Variants in EPHB1 observed in about 807,000 individuals in gnomAD.
The protein encoded by EPHB1 is ephrin type-B receptor 1.
In EPHB1, 30 loss-of-function variants were observed where a neutral mutation model predicts 94.4. That is an observed-to-expected ratio of 0.32 (90% CI 0.24 to 0.43). The LOEUF is 0.43. Ranked by LOEUF, EPHB1 falls within the 20% of genes least tolerant of loss-of-function variation. The pLI is 1.00. For synonymous variants in EPHB1, 522 were observed against 489.1 expected (o/e 1.07, Z -0.89); for missense variants, 1,055 against 1,308.3 (o/e 0.81, Z 2.99).
chr3:134,924,789 A>G (rs899845823), intron 1 of EPHB1, among the ~76,000 whole-genome samples: 5 of 152,252 alleles, frequency 3.3e-5, no homozygotes, highest in Non-Finnish European at 7.3e-5. Flanking sequence ...GAGTGAGAGA[A>G]GCAAGATTTT....
intron 3 of EPHB1, among the ~76,000 whole-genome samples, chr3:134,960,538 A>G (rs1030609449): frequency 1.3e-5 from 2 of 152,200 alleles, no homozygotes; most frequent in African/African-American, 4.8e-5. Flanking sequence ...TGGGTCCCAG[A>G]AGCTATCCAT....
At chr3:134,992,299 T>C (rs1395793597) in intron 3 of EPHB1, among the ~76,000 whole-genome samples, 2 of 152,036 alleles carry the variant, frequency 1.3e-5, no homozygotes, top group African/African-American at 2.4e-5. Context: ...CCCTGCTCTG[T>C]AGGAGTCTCT....
chr3:134,975,999 A>G (rs910508264), intron 3 of EPHB1, among the ~76,000 whole-genome samples: 2 of 152,228 alleles, frequency 1.3e-5, no homozygotes, highest in African/African-American at 2.4e-5. Context: ...ACCCATAACC[A>G]GAAGTGGGTG....
At chr3:135,202,656 A>G (rs1942788776) in intron 12 of EPHB1, among the ~76,000 whole-genome samples, 1 of 152,240 alleles carries the variant, frequency 6.6e-6, no homozygotes, top group African/African-American at 2.4e-5. Context: ...ACAAAAATCA[A>G]AACAATGCAG....
intron 1 of EPHB1, among the ~76,000 whole-genome samples, chr3:134,900,452 C>T (rs1451081964): frequency 1.3e-5 from 2 of 152,042 alleles, no homozygotes; most frequent in Non-Finnish European, 2.9e-5. Context: ...GTGGGTAGGG[C>T]AGCTTAGAGG....
intron 1 of EPHB1, among the ~76,000 whole-genome samples, chr3:134,881,071 G>C (rs956462178): frequency 6.6e-6 from 1 of 152,108 alleles, no homozygotes; most frequent in African/African-American, 2.4e-5. Flanking sequence ...CTCTGTTCTA[G>C]TGGGGGATTT....
At chr3:135,073,143 G>A (rs1399794730) in intron 3 of EPHB1, among the ~76,000 whole-genome samples, 3 of 151,078 alleles carry the variant, frequency 2.0e-5, no homozygotes, top group African/African-American at 7.3e-5. Flanking sequence ...TTTTTTCTAG[G>A]GTTAATTCTA....
At chr3:134,851,348 C>T (rs915344673) in intron 1 of EPHB1, among the ~76,000 whole-genome samples, 1 of 152,164 alleles carries the variant, frequency 6.6e-6, no homozygotes, top group Admixed American at 6.5e-5. Flanking sequence ...TCCCTGATCC[C>T]CAGTGCCCTT....
intron 4 of EPHB1, among the ~76,000 whole-genome samples, chr3:135,127,136 C>G (rs1313690114): frequency 6.6e-6 from 1 of 152,146 alleles, no homozygotes; most frequent in African/African-American, 2.4e-5. Flanking sequence ...CAAGGTCAAC[C>G]AACTAGAGAA....
intron 3 of EPHB1, among the ~76,000 whole-genome samples, chr3:135,095,214 G>A (rs552670535): frequency 6.6e-6 from 1 of 152,298 alleles, no homozygotes; most frequent in South Asian, 2.1e-4. Flanking sequence ...AGAGGATGAA[G>A]TGTAGAGGGC....
intron 6 of EPHB1, among the ~76,000 whole-genome samples, chr3:135,155,790 A>AG (rs1941334932): frequency 6.7e-6 from 1 of 149,082 alleles, no homozygotes; most frequent in Non-Finnish European, 1.5e-5. Context: ...ACTTTGTCAA[A>AG]AAAAAAAAAA....
chr3:135,132,928 C>T lies in EPHB1; in HGVS notation c.1176C>T (p.Ser392=), dbSNP rs745607717. The change falls in exon 5 of 16, where the codon TCC becomes TCT. Residue 392 remains serine (S), a synonymous_variant. Transcript: ENST00000398015. ...RQLGLTECRV[S]ISSLWAHTPY... is the part of the protein sequence containing the mutation. ...TGGGCCTGACGGAGTGCCGCGTCTC[C>T]ATCAGCAGCCTGTGGGCCCACACCC... 1 of 1,614,024 alleles carries T rather than the reference C, an allele frequency of 6.2e-7. No homozygotes were observed. The highest frequency in any genetic ancestry group is 1.1e-5 in the South Asian group (1 of 91,088).
At chr3:135,005,791 G>C (rs1219805314) in intron 3 of EPHB1, among the ~76,000 whole-genome samples, 2 of 152,238 alleles carry the variant, frequency 1.3e-5, no homozygotes, top group Non-Finnish European at 2.9e-5. Context: ...CTTCCCGAGT[G>C]AGGCAATGCC....
rs1163163896 is a variant in EPHB1 at position 134,882,790 on chromosome 3, CTT to C, written c.59-43024_59-43023del. 1.1e-3 allele frequency among the ~76,000 whole-genome samples: 66 copies of C among 62,462 alleles called. 1 individual carries two copies. Among genetic ancestry groups the C allele is most frequent in the African/African-American group, 3.4e-3 (65 of 19,182 alleles). 41.0% of individuals were successfully genotyped at this position (62,462 alleles called of 152,430 possible). On this transcript the variant is annotated intron_variant, in intron 1 of 15. Coordinates refer to ENST00000398015, the MANE Select transcript of EPHB1 (RefSeq NM_004441.5). ...CCTTTCTTTCTTTCTTTCTTTCTTT[CTT>C]TCTTTCTTTCTTTCTTTCTTTCTTT... is the stretch of plus-strand genomic sequence containing the variant.
At position 135,231,903 on chromosome 3, in the gene EPHB1, C is replaced by T. The variant is rs556359720; in HGVS notation, c.2347-9245C>T. 2.8e-4 allele frequency among the ~76,000 whole-genome samples: 42 copies of T among 152,258 alleles called. No individual in the cohort carries two copies. In the South Asian group the frequency reaches 5.6e-3, roughly 20 times the overall value. On this transcript the variant is annotated intron_variant, in intron 12 of 15. Coordinates refer to ENST00000398015, the MANE Select transcript of EPHB1 (RefSeq NM_004441.5). ...GTATGTTGCATCATAATCCTTAGCA[C>T]GGTAATAAATTACAGTGTCACCATC... is the stretch of plus-strand genomic sequence containing the variant.
chr3:135,076,372 A>T (rs1166106264), intron 3 of EPHB1, among the ~76,000 whole-genome samples: 1 of 152,068 alleles, frequency 6.6e-6, no homozygotes, highest in Admixed American at 6.5e-5. Context: ...ACACATGAAA[A>T]TATGCCCAAC....
At chr3:135,116,575 A>G (rs1380849762) in intron 4 of EPHB1, among the ~76,000 whole-genome samples, 1 of 152,160 alleles carries the variant, frequency 6.6e-6, no homozygotes, top group African/African-American at 2.4e-5. Context: ...CACTTTTCAG[A>G]GTCACCACTG....
At chr3:135,119,811 G>A (rs1939876536) in intron 4 of EPHB1, among the ~76,000 whole-genome samples, 2 of 151,724 alleles carry the variant, frequency 1.3e-5, no homozygotes. Flanking sequence ...CTTCCATCTG[G>A]AACTTTATTT....
At chr3:134,938,795 A>T (rs2039060462) in intron 2 of EPHB1, among the ~76,000 whole-genome samples, 1 of 152,154 alleles carries the variant, frequency 6.6e-6, no homozygotes, top group South Asian at 2.1e-4. Context: ...CTCACGAGAT[A>T]GGTACTATTA....
Sources: gnomAD v4.1 joint callset for allele counts (sites outside exome capture counted in the v4.1 genomes callset) on GRCh38, gnomAD v4.1.1 for gene constraint, MANE v1.5 for transcripts, NCBI Gene and HGNC (gene_info 2026-07-23, HGNC 2026-07-21) for gene names.